Variants in ARAP1 observed in about 807,000 individuals in gnomAD.
ARAP1 encodes the protein arf-GAP with Rho-GAP domain, ANK repeat and PH domain-containing protein 1.
In ARAP1, 76 loss-of-function variants were observed where a neutral mutation model predicts 172.2. That is an observed-to-expected ratio of 0.44 (90% CI 0.37 to 0.53). The LOEUF is 0.53. Among genes scored for constraint, ARAP1 ranks in the 20% least tolerant of loss-of-function variants. The pLI is 0.00. For missense variants in ARAP1, 1,686 were observed against 1,977.5 expected (o/e 0.85, Z 2.80); for synonymous variants, 804 against 803.3 (o/e 1.00, Z -0.01).
rs1029931858 is a variant in ARAP1 at position 72,686,172 on chromosome 11, G to A, written c.4205C>T (p.Pro1402Leu). 5.0e-6 allele frequency: 8 copies of A among 1,612,558 alleles called. No homozygotes were observed. The African/African-American group carries it at 1.1e-4, about 22-fold the overall frequency. The change falls in exon 34 of 35, where the codon CCC becomes CTC. Residue 1402 changes from proline to leucine, a missense_variant. Pro to Leu is a moderately conservative substitution (Grantham distance 98). Coordinates refer to ENST00000393609, the MANE Select transcript of ARAP1 (RefSeq NM_001040118.3). ...CCGGGACACGCGTGAGGGCTCTGAG[G>A]GCCACACCAGGCCGTCATGCTGGGG... ...LFVQHDGLVW[P>L]SEPSRVSRAV...
In ARAP1 at chr11:72,693,945, A is replaced by C; in HGVS notation, c.3695-140T>G. The stretch of plus-strand genomic sequence containing the variant: ...TGCCACGACACAAAACACCACCATC[A>C]TGACCACCCTTCCCATGACCAAGCT... On this transcript the variant is annotated intron_variant, in intron 27 of 34. Transcript: ENST00000393609. The surrounding 1 kb of genome is among the most constrained non-coding windows in gnomAD (Gnocchi z 4.6). The C allele has an allele frequency of 3.1e-6, 2 of 651,666 alleles. No individual in the cohort carries two copies. The highest frequency in any genetic ancestry group is 5.2e-6 in the Non-Finnish European group (2 of 384,862). 40.4% of individuals were successfully genotyped at this position (651,666 alleles called of 1,614,324 possible). A position where few individuals can be genotyped will look rare whatever the true frequency, so the allele number is the denominator to read the frequency against.
chr11:72,720,908 C>T (rs10898869), intron 3 of ARAP1, among the ~76,000 whole-genome samples: 16,458 of 152,268 alleles, frequency 0.11, 1,089 homozygotes, highest in Middle Eastern at 0.22. Flanking sequence ...AGCTTTCCCA[C>T]AGGCCAGCCC....
At position 72,687,688 on chromosome 11, in the gene ARAP1, C is replaced by T. The variant is rs772611277; in HGVS notation, c.4121G>A (p.Trp1374Ter). 1.2e-6 allele frequency: 2 copies of T among 1,614,172 alleles called. No individual in the cohort carries two copies. ...ATCTCAGGATGAGGCGCTCACTCAC[C>T]ACTGCTGCTTCTCATGTTTCTCTGT... ...HETEKHEKQQ[W>*]YLCCDTQMEL... The change falls in exon 32 of 35, where the codon TGG becomes TAG. Residue 1374 changes from tryptophan to a stop codon, truncating the protein, a stop_gained and splice_region_variant. Transcript: ENST00000393609. LOFTEE classifies it high-confidence loss of function.
chr11:72,697,249 G>A, intron 21 of ARAP1, 54 bp from the exon 22 acceptor site: 2 of 1,588,444 alleles, frequency 1.3e-6, no homozygotes, highest in East Asian at 2.3e-5. Flanking sequence ...GTCATGGGGC[G>A]GGGCCGCGCA....
In ARAP1 at chr11:72,707,219, C is replaced by G; in HGVS notation, c.1679G>C (p.Trp560Ser). Residue 560 changes from tryptophan to serine, a missense_variant, in exon 12 of 35, where the codon TGG (tryptophan) becomes TCG (serine). By Grantham distance (177) the Trp-to-Ser change is radical. Around this residue, in one of 5 missense-constraint regions of ARAP1, gnomAD observed 688 missense variants for 856.9 expected, o/e 0.80. Coordinates refer to ENST00000393609, the MANE Select transcript of ARAP1 (RefSeq NM_001040118.3). ...AACAACACAGAGGTTGATGGAGGCC[C>G]AGTCAGGCTGAGGAGCCCCGCAGTC... Reference protein sequence around the residue: ...CADCGAPQPDWASINLCVVIC... With the variant: ...CADCGAPQPDSASINLCVVIC... 1 of 1,605,358 alleles carries G rather than the reference C, an allele frequency of 6.2e-7. No individual in the cohort carries two copies. Among genetic ancestry groups the G allele is most frequent in the Non-Finnish European group, 8.5e-7 (1 of 1,175,870 alleles).
intron 8 of ARAP1, 23 bp downstream of exon 8, chr11:72,711,407 G>A (rs754703994): frequency 5.6e-6 from 9 of 1,609,268 alleles, no homozygotes; most frequent in African/African-American, 4.0e-5. Flanking sequence ...CAGGGGTCGC[G>A]TCAGGACTGA....
chr11:72,732,314 C>G (rs916171263), intron 2 of ARAP1, among the ~76,000 whole-genome samples: 3 of 152,210 alleles, frequency 2.0e-5, no homozygotes, highest in East Asian at 3.9e-4. Context: ...CTCGTACCCC[C>G]ACCCTGTTCC....
Position 72,695,463 on chromosome 11 carries a change from G to T in ARAP1, c.3508-8C>A. 1 of 1,614,250 alleles carries T rather than the reference G, an allele frequency of 6.2e-7. No homozygotes were observed. ...GATGAAGTCACCGGCATGCTGCAGG[G>T]AGACAGGGCTCAGCTGGGGGCCTAG... On this transcript the variant is annotated splice_region_variant and splice_polypyrimidine_tract_variant and intron_variant, in intron 25 of 34. Coordinates refer to ENST00000393609, the MANE Select transcript of ARAP1 (RefSeq NM_001040118.3). The surrounding 1 kb of genome is among the most constrained non-coding windows in gnomAD (Gnocchi z 4.4).
At chr11:72,747,280 C>T (rs1858396763) in intron 1 of ARAP1, among the ~76,000 whole-genome samples, 1 of 152,214 alleles carries the variant, frequency 6.6e-6, no homozygotes, top group Admixed American at 6.5e-5. Flanking sequence ...CACATCCCCT[C>T]AGGGAGGACT....
chr11:72,745,465 A>G (rs912752098), intron 1 of ARAP1, among the ~76,000 whole-genome samples: 1 of 150,756 alleles, frequency 6.6e-6, no homozygotes, highest in African/African-American at 2.4e-5. Context: ...CGGCCTCCCA[A>G]AGTGCTGGGA....
intron 1 of ARAP1, among the ~76,000 whole-genome samples, chr11:72,733,219 C>T (rs1172819859): frequency 6.6e-6 from 1 of 152,106 alleles, no homozygotes; most frequent in East Asian, 1.9e-4. Flanking sequence ...CCCTGCAAGA[C>T]CAGTGCTGGG....
At position 72,693,779 on chromosome 11, in the gene ARAP1, C is replaced by T; in HGVS notation, c.3721G>A (p.Val1241Met). The change falls in exon 28 of 35, where the codon GTG becomes ATG. Residue 1241 changes from valine to methionine, a missense_variant. By Grantham distance (21) the Val-to-Met change is conservative. Transcript: ENST00000393609. The surrounding 1 kb of genome is among the most constrained non-coding windows in gnomAD (Gnocchi z 4.6). ...AERPLHFAEK[V>M]LPILHGLGTD... The stretch of plus-strand genomic sequence containing the variant: ...CCCAGCCCGTGCAGGATGGGCAGCA[C>T]CTTCTCCGCAAAGTGCAGGGGGCGC... 6.2e-7 allele frequency: 1 copy of T among 1,608,228 alleles called. No individual in the cohort carries two copies. Among genetic ancestry groups the T allele is most frequent in the Non-Finnish European group, 8.5e-7 (1 of 1,177,442 alleles).
At chr11:72,742,969 G>T (rs1362752553) in intron 1 of ARAP1, among the ~76,000 whole-genome samples, 1 of 152,148 alleles carries the variant, frequency 6.6e-6, no homozygotes, top group Non-Finnish European at 1.5e-5. Flanking sequence ...GAATGTTCTT[G>T]CCCAGGCATC....
In ARAP1 at chr11:72,699,118, A is replaced by C; in HGVS notation, c.2439-11T>G. The C allele has an allele frequency of 6.2e-7, 1 of 1,613,680 alleles. No homozygotes were observed. Among genetic ancestry groups the C allele is most frequent in the Non-Finnish European group, 8.5e-7 (1 of 1,179,816 alleles). On this transcript the variant is annotated splice_polypyrimidine_tract_variant and intron_variant, in intron 17 of 34. Coordinates refer to ENST00000393609, the MANE Select transcript of ARAP1 (RefSeq NM_001040118.3). This position sits in a 1 kb window ranked among gnomAD's most constrained non-coding sequence, Gnocchi z 4.2. Reference sequence around the variant, plus strand: ...AAGGTGTGCTCAAAGCTGCAAATACACAGGCCAGGACTCAGGCCCACCTCA... The same window carrying C: ...AAGGTGTGCTCAAAGCTGCAAATACCCAGGCCAGGACTCAGGCCCACCTCA...
Position 72,698,081 on chromosome 11 carries a change from T to G in ARAP1, c.2567A>C (p.Asp856Ala), listed in dbSNP as rs1467059123. 15 of 1,603,714 alleles carry G rather than the reference T, an allele frequency of 9.4e-6. No individual in the cohort carries two copies. The highest frequency in any genetic ancestry group is 1.3e-5 in the Non-Finnish European group (15 of 1,175,978). ...CCGCTCAAAATCCCGGGCCAGCAGA[T>G]CCTCGGCTAGGGGAGGCACGAATGC... is the stretch of plus-strand genomic sequence containing the variant. ...AKAFVPPLAEDLLARDFERLG... is the reference protein window; with the variant it reads ...AKAFVPPLAEALLARDFERLG... The change falls in exon 19 of 35, where the codon GAT becomes GCT. Residue 856 changes from aspartate (D) to alanine (A), a missense_variant. Asp to Ala is a moderately radical substitution (Grantham distance 126, BLOSUM62 -2). Around this residue, in one of 5 missense-constraint regions of ARAP1, gnomAD observed 688 missense variants for 856.9 expected, o/e 0.80. Transcript: ENST00000393609.
At chr11:72,685,988 AG>A in intron 34 of ARAP1, 53 bp downstream of exon 34, 1 of 1,613,176 alleles carries the variant, frequency 6.2e-7, no homozygotes, top group Non-Finnish European at 8.5e-7. Flanking sequence ...AGTAGAAGGC[AG>A]GCACCCAGCC....
intron 1 of ARAP1, among the ~76,000 whole-genome samples, chr11:72,733,271 G>A (rs1223276552): frequency 6.6e-6 from 1 of 152,196 alleles, no homozygotes; most frequent in Non-Finnish European, 1.5e-5. Context: ...GCCCCAGGAA[G>A]GGTGAGGAAG....
intron 1 of ARAP1, among the ~76,000 whole-genome samples, chr11:72,742,659 G>A (rs984063364): frequency 6.6e-6 from 1 of 152,220 alleles, no homozygotes; most frequent in African/African-American, 2.4e-5. Context: ...CTCTGGTGAT[G>A]GAGCACACTG....
At chr11:72,720,172 G>T (rs145301688) in intron 3 of ARAP1, among the ~76,000 whole-genome samples, 22 of 152,290 alleles carry the variant, frequency 1.4e-4, no homozygotes, top group Middle Eastern at 3.4e-3. Context: ...CAGGGCTGCC[G>T]GCCCAGTGAT....
Sources: gnomAD v4.1 joint callset for allele counts (sites outside exome capture counted in the v4.1 genomes callset) on GRCh38, gnomAD v4.1.1 for gene constraint, gnomAD v4.1.1 regional missense constraint, Gnocchi (gnomAD v3.1) non-coding constraint, MANE v1.5 for transcripts, NCBI Gene and HGNC (gene_info 2026-07-23, HGNC 2026-07-21) for gene names.